SLC22A2: variants seen among roughly 807,000 people sequenced by gnomAD.
The protein encoded by SLC22A2 is organic cation transporter 2.
SLC22A2 carries 46 observed loss-of-function variants against 60.5 expected under a neutral mutation model. The ratio of observed to expected loss-of-function variants is 0.76; its 90% CI spans 0.60 to 0.97. The LOEUF is 0.97. Ranked by LOEUF, SLC22A2 falls within the 50% of genes least tolerant of loss-of-function variation. SLC22A2 has a pLI of 0.00. For synonymous variants in SLC22A2, 303 were observed against 267.0 expected (o/e 1.13, Z -1.31); for missense variants, 701 against 706.6 (o/e 0.99, Z 0.09).
At chr6:160,252,170 A>T (rs1783195657) in intron 2 of SLC22A2, among the ~76,000 whole-genome samples, 1 of 152,160 alleles carries the variant, frequency 6.6e-6, no homozygotes, top group African/African-American at 2.4e-5. Flanking sequence ...CCAAAGTCAT[A>T]TCTCAACTTA....
At chr6:160,226,248 AC>A (rs1473037555) in intron 9 of SLC22A2, among the ~76,000 whole-genome samples, 1 of 152,156 alleles carries the variant, frequency 6.6e-6, no homozygotes, top group African/African-American at 2.4e-5. Flanking sequence ...ACCAATCAGC[AC>A]TGCCGGCTCA....
rs557592432 is a variant in SLC22A2, at chr6:160,235,222, G to A, written c.1501+6252C>T. Reference sequence around the variant, plus strand: ...TTGCATTATCTGATGTTTTTGACTTGGAGGGTATCAGAAATTACTATACAT... The same window carrying A: ...TTGCATTATCTGATGTTTTTGACTTAGAGGGTATCAGAAATTACTATACAT... On this transcript the variant is annotated intron_variant, in intron 9 of 10. Coordinates refer to ENST00000366953, the MANE Select transcript of SLC22A2 (RefSeq NM_003058.4). Among the ~76,000 whole-genome samples, 3 of 152,136 alleles carry A rather than the reference G, an allele frequency of 2.0e-5. No individual in the cohort carries two copies. In the South Asian group the frequency reaches 6.2e-4, roughly 32 times the overall value.
chr6:160,241,625 A>G (rs1237928938), intron 8 of SLC22A2, 39 bp from the exon 9 acceptor site: 1 of 1,301,364 alleles, frequency 7.7e-7, no homozygotes, highest in Non-Finnish European at 1.1e-6. Flanking sequence ...TTAACTTATC[A>G]CAGTGCAGTA....
rs147993659 is a variant in SLC22A2, at chr6:160,231,464, C to T, written c.1502-6660G>A. On this transcript the variant is annotated intron_variant, in intron 9 of 10. Transcript: ENST00000366953. Reference sequence around the variant, plus strand: ...ACTATCCCATTAAAATCTAATCACCCTTACCCTACTCAGCGCCAATATCTC... The same window carrying T: ...ACTATCCCATTAAAATCTAATCACCTTTACCCTACTCAGCGCCAATATCTC... Among the ~76,000 whole-genome samples the T allele has an allele frequency of 2.9e-4, 44 of 151,936 alleles. No homozygotes were observed. The East Asian group carries it at 8.3e-3, about 29-fold the overall frequency.
In SLC22A2 at chr6:160,228,930, C is replaced by A. The variant is rs957027188; in HGVS notation, c.1502-4126G>T. Among the ~76,000 whole-genome samples, 6 of 151,766 alleles carry A rather than the reference C, an allele frequency of 4.0e-5. 1 individual carries two copies. The highest frequency in any genetic ancestry group is 1.5e-4 in the African/African-American group (6 of 41,070). On this transcript the variant is annotated intron_variant, in intron 9 of 10. Transcript: ENST00000366953. ...ACCCAAATCCTATAAAACGGCCCCA[C>A]CCCTATCTCCCTTCGATGACTGTCT...
intron 9 of SLC22A2, among the ~76,000 whole-genome samples, chr6:160,237,533 A>G (rs1049195422): frequency 1.3e-5 from 2 of 152,180 alleles, no homozygotes; most frequent in Non-Finnish European, 2.9e-5. Flanking sequence ...TCTACCCTGA[A>G]TACAAGAGAC....
chr6:160,227,011 T>C (rs150676087), intron 9 of SLC22A2, among the ~76,000 whole-genome samples: 6 of 152,218 alleles, frequency 3.9e-5, no homozygotes, highest in Admixed American at 6.5e-5. Flanking sequence ...TAATATCACA[T>C]GACAGACAAA....
intron 9 of SLC22A2, among the ~76,000 whole-genome samples, chr6:160,225,764 C>G (rs532566306): frequency 6.6e-6 from 1 of 152,326 alleles, no homozygotes; most frequent in South Asian, 2.1e-4. Context: ...ATGGTAAACA[C>G]ACTATAGCCT....
chr6:160,256,963 T>C (rs1004178391), intron 1 of SLC22A2, among the ~76,000 whole-genome samples: 1 of 150,160 alleles, frequency 6.7e-6, no homozygotes, highest in East Asian at 2.0e-4. Flanking sequence ...AGTACAGTGG[T>C]GATCATGGCT....
intron 2 of SLC22A2, among the ~76,000 whole-genome samples, chr6:160,256,083 C>T (rs1708069585): frequency 6.6e-6 from 1 of 152,064 alleles, no homozygotes; most frequent in Non-Finnish European, 1.5e-5. Context: ...ACCCTGTTTC[C>T]CTTTCTTTAA....
chr6:160,223,798 G>A lies in SLC22A2; in HGVS notation c.1601+907C>T, dbSNP rs529221274. Among the ~76,000 whole-genome samples the A allele has an allele frequency of 1.1e-4, 17 of 152,294 alleles. No individual in the cohort carries two copies. In the South Asian group the frequency reaches 2.3e-3, roughly 20 times the overall value. On this transcript the variant is annotated intron_variant, in intron 10 of 10. Coordinates refer to ENST00000366953, the MANE Select transcript of SLC22A2 (RefSeq NM_003058.4). Reference sequence around the variant, plus strand: ...GCTGGAGTGCAGTGGCACGATCTCAGCTCACTGCAACCTCTGCCTCCCAGT... The same window carrying A: ...GCTGGAGTGCAGTGGCACGATCTCAACTCACTGCAACCTCTGCCTCCCAGT...
intron 9 of SLC22A2, among the ~76,000 whole-genome samples, chr6:160,227,296 C>A (rs993104541): frequency 1.3e-5 from 2 of 152,160 alleles, no homozygotes; most frequent in Admixed American, 6.5e-5. Context: ...TTTCCATAAC[C>A]ACTTATCTTA....
At position 160,250,672 on chromosome 6, in the gene SLC22A2, T is replaced by G; in HGVS notation, c.549A>C (p.Thr183=). Residue 183 remains threonine, a synonymous_variant, in exon 3 of 11, where the codon ACA becomes ACC. Coordinates refer to ENST00000366953, the MANE Select transcript of SLC22A2 (RefSeq NM_003058.4). ...CTCCAGCTGCAGCATTTATGAGGAC[T>G]GTAGTTAGGAGGCAGAGCTTACGGC... ...RFGRKLCLLT[T]VLINAAAGVL... is the part of the protein sequence containing the mutation. The G allele has an allele frequency of 6.2e-7, 1 of 1,614,084 alleles. No individual in the cohort carries two copies. The highest frequency in any genetic ancestry group is 8.5e-7 in the Non-Finnish European group (1 of 1,179,964).
intron 2 of SLC22A2, among the ~76,000 whole-genome samples, chr6:160,253,187 C>T (rs1413509944): frequency 6.6e-6 from 1 of 152,180 alleles, no homozygotes; most frequent in Non-Finnish European, 1.5e-5. Context: ...CAGGGATATT[C>T]CATAGGCAGT....
At chr6:160,250,364 G>A in intron 3 of SLC22A2, 184 bp downstream of exon 3, 1 of 608,254 alleles carries the variant, frequency 1.6e-6, no homozygotes, top group Admixed American at 2.9e-5. Flanking sequence ...CATTTTTTTA[G>A]TTTATAAGGA....
chr6:160,230,121 C>T (rs982398180), intron 9 of SLC22A2, among the ~76,000 whole-genome samples: 7 of 151,740 alleles, frequency 4.6e-5, no homozygotes, highest in African/African-American at 7.3e-5. Context: ...TGACCTGTCC[C>T]CTCCTCACCA....
Position 160,258,120 on chromosome 6 carries a change from G to A in SLC22A2, c.414+224C>T, listed in dbSNP as rs1005905847. On this transcript the variant is annotated intron_variant, in intron 1 of 10. Transcript: ENST00000366953. ...TTATTGCTGGGACATGCACAAACTA[G>A]AATCATTATTGTCAGCATCTGAGGA... The A allele has an allele frequency of 5.3e-6, 3 of 563,872 alleles. No homozygotes were observed. In the East Asian group the frequency reaches 8.9e-5, roughly 17 times the overall value. The allele number at this position is 563,872 out of a possible 1,614,324, so 34.9% of individuals were successfully genotyped here. A position where few individuals can be genotyped will look rare whatever the true frequency, so the allele number is the denominator to read the frequency against.
chr6:160,248,338 T>A (rs1281037352), intron 4 of SLC22A2, among the ~76,000 whole-genome samples: 1 of 152,208 alleles, frequency 6.6e-6, no homozygotes, highest in Non-Finnish European at 1.5e-5. Context: ...AGCACCTGGA[T>A]CTTAGACTTC....
intron 9 of SLC22A2, among the ~76,000 whole-genome samples, chr6:160,233,480 C>T (rs1006974115): frequency 6.6e-6 from 1 of 151,780 alleles, no homozygotes. Flanking sequence ...AGCTCAGCCA[C>T]CAACTTTAAA....
Sources: allele counts gnomAD v4.1 joint callset (sites outside exome capture counted in the v4.1 genomes callset), GRCh38; gene constraint gnomAD v4.1.1; transcripts MANE v1.5; gene names NCBI Gene and HGNC (gene_info 2026-07-23, HGNC 2026-07-21).